Variants in ZNF536 observed in about 807,000 individuals in gnomAD.
ZNF536 encodes zinc finger protein 536.
ZNF536 carries 13 observed loss-of-function variants against 84.5 expected under a neutral mutation model. The ratio of observed to expected loss-of-function variants is 0.15; its 90% CI spans 0.10 to 0.24. ZNF536 has a LOEUF of 0.24. Among genes scored for constraint, ZNF536 ranks in the 10% least tolerant of loss-of-function variants. ZNF536 has a pLI of 1.00. For synonymous variants in ZNF536, 811 were observed against 742.5 expected, an observed-to-expected ratio of 1.09 and a Z score of -1.50; for missense variants, 1,536 against 1,747.5, an observed-to-expected ratio of 0.88 and a Z score of 2.16.
intron 1 of ZNF536, among the ~76,000 whole-genome samples, chr19:30,432,237 G>A (rs537042788): frequency 6.6e-6 from 1 of 152,110 alleles, no homozygotes; most frequent in Non-Finnish European, 1.5e-5. Flanking sequence ...TTCCCAAACT[G>A]CAGTCCGTGG....
intron 1 of ZNF536, among the ~76,000 whole-genome samples, chr19:30,618,079 A>G (rs774287335): frequency 2.6e-5 from 4 of 152,230 alleles, no homozygotes; most frequent in Non-Finnish European, 2.9e-5. Flanking sequence ...TTGATTAGCG[A>G]TGAGTTAAAG....
chr19:30,379,656 T>C (rs1216148954), intron 1 of ZNF536, among the ~76,000 whole-genome samples: 1 of 150,388 alleles, frequency 6.6e-6, no homozygotes, highest in Non-Finnish European at 1.5e-5. Flanking sequence ...GTAGTGGGTA[T>C]GCGGTGGGAG....
intron 1 of ZNF536, among the ~76,000 whole-genome samples, chr19:30,283,718 A>G (rs547999457): frequency 6.7e-6 from 1 of 149,778 alleles, no homozygotes; most frequent in East Asian, 2.1e-4. Flanking sequence ...GAAGAGAGAC[A>G]GCGAGAGAGA....
intron 3 of ZNF536, among the ~76,000 whole-genome samples, chr19:30,364,039 T>A (rs1340923215): frequency 3.3e-5 from 5 of 152,168 alleles, no homozygotes; most frequent in Admixed American, 1.3e-4. Flanking sequence ...TCATTGGAAC[T>A]TAGGATACAG....
At chr19:30,508,218 G>A (rs546388157) in intron 2 of ZNF536, among the ~76,000 whole-genome samples, 2 of 152,310 alleles carry the variant, frequency 1.3e-5, no homozygotes, top group East Asian at 1.9e-4. Context: ...ATGACCCCAG[G>A]CTTGCAGGGG....
At chr19:30,321,884 T>C (rs1170896948) in intron 2 of ZNF536, among the ~76,000 whole-genome samples, 1 of 151,918 alleles carries the variant, frequency 6.6e-6, no homozygotes, top group African/African-American at 2.4e-5. Context: ...TTCAATCAAT[T>C]CTCCGCCTCA....
intron 1 of ZNF536, among the ~76,000 whole-genome samples, chr19:30,415,796 G>C (rs915807744): frequency 1.3e-5 from 2 of 152,100 alleles, no homozygotes; most frequent in African/African-American, 4.8e-5. Context: ...ATTTTTAGTA[G>C]AGACAGGGTT....
chr19:30,461,543 C>T (rs1006508935), intron 2 of ZNF536, among the ~76,000 whole-genome samples: 1 of 152,150 alleles, frequency 6.6e-6, no homozygotes, highest in Non-Finnish European at 1.5e-5. Flanking sequence ...TGAGGTGACC[C>T]CCCAGAGCTG....
At chr19:30,418,368 G>C (rs2050820050) in intron 1 of ZNF536, among the ~76,000 whole-genome samples, 1 of 151,906 alleles carries the variant, frequency 6.6e-6, no homozygotes, top group South Asian at 2.1e-4. Context: ...TCCCACCGTG[G>C]GTGCAGCATG....
intron 1 of ZNF536, among the ~76,000 whole-genome samples, chr19:30,235,922 C>T (rs546573920): frequency 1.3e-5 from 2 of 152,342 alleles, no homozygotes; most frequent in East Asian, 3.9e-4. Flanking sequence ...GAGCAGAGAG[C>T]GTCTCACGGA....
chr19:30,367,767 C>T (rs1159229134), upstream of ZNF536, among the ~76,000 whole-genome samples: 1 of 152,140 alleles, frequency 6.6e-6, no homozygotes, highest in Admixed American at 6.5e-5. Context: ...GATCTTGGCT[C>T]CTGGCCTCAC....
rs56021291 is a variant in ZNF536 at position 30,440,881 on chromosome 19, GGATAGATAGATAGATA to G, written c.-2-2636_-2-2621del. ...TACAAATCTTTGTTAACTCTGGCCA[GGATAGATAGATAGATA>G]GATAGATAGATAGATAGATAGATAG... On this transcript the variant is annotated intron_variant, in intron 1 of 4. Transcript: ENST00000355537. Among the ~76,000 whole-genome samples, 1,256 of 145,636 alleles carry G rather than the reference GGATAGATAGATAGATA, an allele frequency of 8.6e-3. 9 individuals are homozygous for G. Among genetic ancestry groups the G allele is most frequent in the South Asian group, 0.017 (72 of 4,298 alleles).
intron 1 of ZNF536, among the ~76,000 whole-genome samples, chr19:30,229,579 G>C (rs1173152031): frequency 1.3e-5 from 2 of 152,098 alleles, no homozygotes; most frequent in Non-Finnish European, 2.9e-5. Flanking sequence ...GGTGGGGGGG[G>C]CTCAGCTTTC....
At chr19:30,237,707 A>G (rs1293475812) in intron 1 of ZNF536, among the ~76,000 whole-genome samples, 1 of 152,158 alleles carries the variant, frequency 6.6e-6, no homozygotes, top group Admixed American at 6.5e-5. Flanking sequence ...TTTGTTTGCT[A>G]ATTAAATTGT....
At chr19:30,688,722 C>G (rs914671625) in intron 1 of ZNF536, among the ~76,000 whole-genome samples, 7 of 152,196 alleles carry the variant, frequency 4.6e-5, no homozygotes, top group African/African-American at 1.7e-4. Context: ...TACTGATGGA[C>G]TCCCATATTT....
intron 1 of ZNF536, among the ~76,000 whole-genome samples, chr19:30,648,244 C>T (rs1484662442): frequency 1.3e-5 from 2 of 152,170 alleles, no homozygotes; most frequent in Admixed American, 6.5e-5. Context: ...GAAGCGGTTC[C>T]GAGTCCCCAA....
chr19:30,319,181 C>T (rs913412494), intron 2 of ZNF536, among the ~76,000 whole-genome samples: 1 of 152,210 alleles, frequency 6.6e-6, no homozygotes, highest in Non-Finnish European at 1.5e-5. Flanking sequence ...ACGCTCTACG[C>T]AGGTGAGTAT....
At chr19:30,541,267 A>G (rs1034752333) in intron 3 of ZNF536, among the ~76,000 whole-genome samples, 14 of 152,202 alleles carry the variant, frequency 9.2e-5, no homozygotes, top group African/African-American at 3.1e-4. Flanking sequence ...CACACTGAGT[A>G]AATATAAAAG....
At chr19:30,381,776 T>A (rs921979330) in intron 1 of ZNF536, among the ~76,000 whole-genome samples, 1 of 152,106 alleles carries the variant, frequency 6.6e-6, no homozygotes, top group African/African-American at 2.4e-5. Context: ...CAGGGGACAG[T>A]GCAAGGGACA....
Sources: allele counts gnomAD v4.1 joint callset (sites outside exome capture counted in the v4.1 genomes callset), GRCh38; gene constraint gnomAD v4.1.1; transcripts MANE v1.5; gene names NCBI Gene and HGNC (gene_info 2026-07-23, HGNC 2026-07-21).